Variants in RPS6KC1 observed in about 807,000 individuals in gnomAD.
RPS6KC1 encodes ribosomal protein S6 kinase C1.
A neutral mutation model predicts 103.8 loss-of-function variants in RPS6KC1; 54 were observed. That is an observed-to-expected ratio of 0.52 (90% CI 0.42 to 0.65). The LOEUF is 0.65. Among genes scored for constraint, RPS6KC1 ranks in the 30% least tolerant of loss-of-function variants. RPS6KC1 has a pLI of 0.00. For missense variants in RPS6KC1, 1,151 were observed against 1,253.8 expected, an observed-to-expected ratio of 0.92 and a Z score of 1.24; for synonymous variants, 439 against 438.7, an observed-to-expected ratio of 1.00 and a Z score of -0.01.
the RPS6KC1 span, among the ~76,000 whole-genome samples, chr1:213,307,451 C>T: frequency 2.4e-3 from 368 of 152,262 alleles, 1 homozygote; most frequent in Middle Eastern, 0.01. Context: ...GGCGTAAGGA[C>T]GTACCATCTC....
the RPS6KC1 span, chr1:213,840,441 T>C: frequency 2.6e-5 from 4 of 152,278 alleles, 1 homozygote; most frequent in East Asian, 7.7e-4. Flanking sequence ...ATATATGAAG[T>C]TTCTTTCAAA....
chr1:213,091,847 T>C (rs968838507), intron 3 of RPS6KC1, among the ~76,000 whole-genome samples: 7 of 152,206 alleles, frequency 4.6e-5, no homozygotes, highest in Non-Finnish European at 1.0e-4. Context: ...TTATAGTTTG[T>C]TTCATTTCAC....
chr1:213,769,630 G>A, the RPS6KC1 span, among the ~76,000 whole-genome samples: 1 of 152,026 alleles, frequency 6.6e-6, no homozygotes, highest in Non-Finnish European at 1.5e-5. Context: ...GAGCTAAATT[G>A]AGGAATTCCA....
At chr1:213,492,682 C>T in the RPS6KC1 span, 1 of 152,242 alleles carries the variant, frequency 6.6e-6, no homozygotes, top group Non-Finnish European at 1.5e-5. Flanking sequence ...ATGTCCTTTT[C>T]CGTGTTTCTG....
chr1:213,734,921 TG>T, the RPS6KC1 span, among the ~76,000 whole-genome samples: 394 of 152,166 alleles, frequency 2.6e-3, 3 homozygotes, highest in African/African-American at 8.9e-3. Context: ...TTGTTGTTGT[TG>T]TTGTTTGTTG....
the RPS6KC1 span, among the ~76,000 whole-genome samples, chr1:213,594,362 T>C: frequency 6.6e-6 from 1 of 152,214 alleles, no homozygotes; most frequent in African/African-American, 2.4e-5. Flanking sequence ...TGATTACATG[T>C]TGAAATGATA....
the RPS6KC1 span, among the ~76,000 whole-genome samples, chr1:213,348,632 AAAT>A: frequency 6.6e-6 from 1 of 152,192 alleles, no homozygotes; most frequent in Non-Finnish European, 1.5e-5. Flanking sequence ...CTGTTAAGAG[AAAT>A]AATAAATTCC....
the RPS6KC1 span, among the ~76,000 whole-genome samples, chr1:213,693,795 C>A: frequency 6.6e-6 from 1 of 152,160 alleles, no homozygotes; most frequent in Non-Finnish European, 1.5e-5. Context: ...CTGGGTATTG[C>A]CTTATGTGTT....
At chr1:213,825,285 G>A in the RPS6KC1 span, among the ~76,000 whole-genome samples, 8 of 152,160 alleles carry the variant, frequency 5.3e-5, no homozygotes, top group African/African-American at 1.7e-4. Flanking sequence ...TAGAAACAAA[G>A]ACTGCCAATA....
chr1:213,608,374 C>T, the RPS6KC1 span, among the ~76,000 whole-genome samples: 3 of 152,172 alleles, frequency 2.0e-5, no homozygotes, highest in African/African-American at 7.2e-5. Context: ...CTCCTGGTGG[C>T]CCCCTAAAGA....
chr1:213,380,936 C>G, the RPS6KC1 span, among the ~76,000 whole-genome samples: 9,433 of 152,230 alleles, frequency 0.062, 583 homozygotes, highest in African/African-American at 0.16. Flanking sequence ...TAGGGAACAC[C>G]ATTTCCAGCC....
the RPS6KC1 span, among the ~76,000 whole-genome samples, chr1:213,353,793 A>T: frequency 6.6e-6 from 1 of 152,228 alleles, no homozygotes; most frequent in East Asian, 1.9e-4. Context: ...GGTAGTATGT[A>T]GAAAATGGAG....
At chr1:213,569,048 A>G in the RPS6KC1 span, among the ~76,000 whole-genome samples, 1 of 152,136 alleles carries the variant, frequency 6.6e-6, no homozygotes, top group Non-Finnish European at 1.5e-5. Context: ...CCCCCTCCCC[A>G]GTGTACTTCC....
At chr1:213,508,090 T>C in the RPS6KC1 span, among the ~76,000 whole-genome samples, 1 of 152,220 alleles carries the variant, frequency 6.6e-6, no homozygotes, top group Non-Finnish European at 1.5e-5. Context: ...ACACAATGCT[T>C]GAGTGACTAC....
At chr1:213,281,264 T>A in the RPS6KC1 span, among the ~76,000 whole-genome samples, 1 of 152,188 alleles carries the variant, frequency 6.6e-6, no homozygotes, top group Non-Finnish European at 1.5e-5. Context: ...CTTTCAAGTG[T>A]AAGGCTCCGA....
At chr1:213,486,797 G>A in the RPS6KC1 span, among the ~76,000 whole-genome samples, 1 of 152,200 alleles carries the variant, frequency 6.6e-6, no homozygotes, top group Non-Finnish European at 1.5e-5. Context: ...AGGTAGTCAA[G>A]ATACGGGCCC....
At chr1:213,622,826 G>A in the RPS6KC1 span, among the ~76,000 whole-genome samples, 6 of 152,226 alleles carry the variant, frequency 3.9e-5, no homozygotes, top group South Asian at 2.1e-4. Flanking sequence ...CAAAGGAAAC[G>A]CCTTCTAAAA....
chr1:213,103,629 A>G (rs1319908917), intron 3 of RPS6KC1, among the ~76,000 whole-genome samples: 2 of 152,162 alleles, frequency 1.3e-5, no homozygotes, highest in Non-Finnish European at 2.9e-5. Context: ...ATAACTAGGA[A>G]TCTCTTTGTG....
the RPS6KC1 span, among the ~76,000 whole-genome samples, chr1:213,662,059 G>A: frequency 6.6e-5 from 10 of 152,106 alleles, no homozygotes; most frequent in Non-Finnish European, 1.0e-4. Flanking sequence ...AATAAGGTAT[G>A]TTGGAGGGAG....
Sources: gnomAD v4.1 joint callset for allele counts (sites outside exome capture counted in the v4.1 genomes callset) on GRCh38, gnomAD v4.1.1 for gene constraint, MANE v1.5 for transcripts, NCBI Gene and HGNC (gene_info 2026-07-23, HGNC 2026-07-21) for gene names.